CPXM2: variants seen among roughly 807,000 people sequenced by gnomAD.
CPXM2 encodes inactive carboxypeptidase-like protein X2.
A neutral mutation model predicts 86.1 loss-of-function variants in CPXM2; 66 were observed. That is an observed-to-expected ratio of 0.77 (90% CI 0.63 to 0.94). The LOEUF (loss-of-function observed/expected upper bound fraction) is 0.94, where lower values mean the gene tolerates loss of function less well. Ranked by LOEUF, CPXM2 falls within the 40% of genes least tolerant of loss-of-function variation. The pLI, the probability that CPXM2 is intolerant of heterozygous loss-of-function variation, is 0.00. For synonymous variants in CPXM2, 388 were observed against 400.2 expected, an observed-to-expected ratio of 0.97 and a Z score of 0.36; for missense variants, 948 against 1,026.3, an observed-to-expected ratio of 0.92 and a Z score of 1.04.
chr10:123,893,883 C>T (rs1347552006), upstream of CPXM2, among the ~76,000 whole-genome samples: 1 of 152,232 alleles, frequency 6.6e-6, no homozygotes. Flanking sequence ...CAGCCCAGGC[C>T]AGGACGGTGC....
At chr10:123,797,908 G>T in intron 6 of CPXM2, 68 bp downstream of exon 6, 3 of 1,429,284 alleles carry the variant, frequency 2.1e-6, no homozygotes, top group Non-Finnish European at 9.2e-7. Flanking sequence ...ATTTTTATTT[G>T]TCTTGGCTGG....
chr10:123,896,344 T>G (rs1030245475), upstream of CPXM2, among the ~76,000 whole-genome samples: 1 of 152,226 alleles, frequency 6.6e-6, no homozygotes, highest in African/African-American at 2.4e-5. Flanking sequence ...TTGAGATGGA[T>G]GCACAGGGAG....
chr10:123,869,034 C>T (rs1172829451), intron 2 of CPXM2, among the ~76,000 whole-genome samples: 3 of 152,100 alleles, frequency 2.0e-5, no homozygotes, highest in Admixed American at 1.3e-4. Context: ...GGGAGTGTTG[C>T]ATAGGTGACT....
intron 4 of CPXM2, 139 bp from the exon 5 acceptor site, chr10:123,799,338 C>T: frequency 1.1e-6 from 1 of 873,520 alleles, no homozygotes; most frequent in Non-Finnish European, 1.8e-6. Context: ...ATTTACAGCT[C>T]TGTGACCTCA....
intron 2 of CPXM2, among the ~76,000 whole-genome samples, chr10:123,936,730 T>C (rs889761809): frequency 6.6e-6 from 1 of 152,124 alleles, no homozygotes; most frequent in African/African-American, 2.4e-5. Context: ...CTCTCCACTC[T>C]CCCTTTGTCT....
intron 4 of CPXM2, among the ~76,000 whole-genome samples, chr10:123,830,711 G>C (rs910608914): frequency 2.6e-5 from 4 of 152,038 alleles, no homozygotes; most frequent in African/African-American, 9.7e-5. Context: ...TTATAACTTT[G>C]GGCAGGACTG....
Position 123,891,631 on chromosome 10 carries a change from G to A in CPXM2, c.29C>T (p.Ala10Val), listed in dbSNP as rs1325405878. MSRPGTATP[A>V]LALVLLAVTL... Reference sequence around the variant, plus strand: ...CACTGCCAGGAGCACCAGGGCCAGCGCTGGGGTAGCGGTCCCCGGGCGGGA... The same window carrying A: ...CACTGCCAGGAGCACCAGGGCCAGCACTGGGGTAGCGGTCCCCGGGCGGGA... Residue 10 changes from alanine (A) to valine (V), a missense_variant, in exon 1 of 14, where the codon GCG becomes GTG. By Grantham distance (64) the Ala-to-Val change is moderately conservative (BLOSUM62 0). Coordinates refer to ENST00000241305, the MANE Select transcript of CPXM2 (RefSeq NM_198148.3). The surrounding 1 kb of genome is among the most constrained non-coding windows in gnomAD (Gnocchi z 5.6). 5.4e-6 allele frequency: 8 copies of A among 1,468,236 alleles called. No individual in the cohort carries two copies. In the African/African-American group the frequency reaches 8.8e-5, roughly 16 times the overall value. 91.0% of individuals were successfully genotyped at this position (1,468,236 alleles called of 1,614,324 possible). A position where few individuals can be genotyped will look rare whatever the true frequency, so the allele number is the denominator to read the frequency against.
intron 4 of CPXM2, among the ~76,000 whole-genome samples, chr10:123,823,711 A>G (rs1212665574): frequency 6.6e-6 from 1 of 152,226 alleles, no homozygotes; most frequent in African/African-American, 2.4e-5. Context: ...AGGTTGGTCA[A>G]TAAGAGACAA....
intron 3 of CPXM2, among the ~76,000 whole-genome samples, chr10:123,861,065 A>T (rs28707664): frequency 0.6 from 90,862 of 151,886 alleles, 27,544 homozygotes; most frequent in Admixed American, 0.65. Flanking sequence ...CAATCCCATG[A>T]GCTCCCTGGG....
intron 4 of CPXM2, among the ~76,000 whole-genome samples, chr10:123,810,863 C>G (rs1180257706): frequency 6.6e-6 from 1 of 151,914 alleles, no homozygotes; most frequent in Non-Finnish European, 1.5e-5. Flanking sequence ...GAAAAAGAAA[C>G]AGTAGAGTAT....
rs1306398946 is a variant in CPXM2 at position 123,848,834 on chromosome 10, C to T, written c.514-6346G>A. Among the ~76,000 whole-genome samples, 3 of 152,114 alleles carry T rather than the reference C, an allele frequency of 2.0e-5. No homozygotes were observed. In the East Asian group the frequency reaches 5.8e-4, roughly 29 times the overall value. ...TTCTACAGCTCATTATTTAAATACC[C>T]CCAGTTAGGTCAGTTGATCTATAAA... On this transcript the variant is annotated intron_variant, in intron 3 of 13. Transcript: ENST00000241305.
intron 4 of CPXM2, among the ~76,000 whole-genome samples, chr10:123,822,013 CTTCAACACA>C (rs1847934882): frequency 6.6e-6 from 1 of 152,186 alleles, no homozygotes; most frequent in Non-Finnish European, 1.5e-5. Flanking sequence ...AGACAGGTTT[CTTCAACACA>C]TTCCTGTTGA....
At chr10:123,867,275 C>T (rs556231693) in intron 2 of CPXM2, among the ~76,000 whole-genome samples, 1 of 152,284 alleles carries the variant, frequency 6.6e-6, no homozygotes, top group East Asian at 1.9e-4. Context: ...ACATATTGAA[C>T]ATCTGACACA....
At chr10:123,839,424 G>T (rs1257686312) in intron 4 of CPXM2, among the ~76,000 whole-genome samples, 2 of 152,012 alleles carry the variant, frequency 1.3e-5, no homozygotes, top group Non-Finnish European at 1.5e-5. Context: ...ATGAGTCTTT[G>T]TCAACTCTTT....
At chr10:123,909,938 T>C (rs1945474520) in intron 2 of CPXM2, among the ~76,000 whole-genome samples, 1 of 152,148 alleles carries the variant, frequency 6.6e-6, no homozygotes, top group Non-Finnish European at 1.5e-5. Flanking sequence ...GAAACAAAGA[T>C]GCCCTCGAGA....
At chr10:123,756,802 C>T (rs1406638365) in intron 12 of CPXM2, among the ~76,000 whole-genome samples, 4 of 152,192 alleles carry the variant, frequency 2.6e-5, no homozygotes, top group Non-Finnish European at 5.9e-5. Flanking sequence ...GACAAGCCTC[C>T]GAGGACACCG....
At chr10:123,796,924 GA>G (rs905343623) in intron 6 of CPXM2, among the ~76,000 whole-genome samples, 1 of 152,222 alleles carries the variant, frequency 6.6e-6, no homozygotes, top group Non-Finnish European at 1.5e-5. Context: ...CCCATGAAGT[GA>G]TGAGGCCCTG....
intron 4 of CPXM2, among the ~76,000 whole-genome samples, chr10:123,801,508 G>A (rs1847457867): frequency 6.6e-6 from 1 of 152,056 alleles, no homozygotes; most frequent in Non-Finnish European, 1.5e-5. Flanking sequence ...TTTCAAGAAT[G>A]TATCCAACTC....
chr10:123,838,912 G>A (rs2134147981), intron 4 of CPXM2, among the ~76,000 whole-genome samples: 1 of 152,316 alleles, frequency 6.6e-6, no homozygotes, highest in Middle Eastern at 3.4e-3. Flanking sequence ...GGGTGTTCCT[G>A]TGAGGGAGAA....
Sources: gnomAD v4.1 joint callset for allele counts (sites outside exome capture counted in the v4.1 genomes callset) on GRCh38, gnomAD v4.1.1 for gene constraint, Gnocchi (gnomAD v3.1) non-coding constraint, MANE v1.5 for transcripts, NCBI Gene and HGNC (gene_info 2026-07-23, HGNC 2026-07-21) for gene names.